Variants in NUP133 observed in about 807,000 individuals in gnomAD.
NUP133 encodes the protein nuclear pore complex protein Nup133.
In NUP133, 66 loss-of-function variants were observed where a neutral mutation model predicts 146.2. The ratio of observed to expected loss-of-function variants is 0.45; its 90% CI spans 0.37 to 0.55. The LOEUF is 0.55. Among genes scored for constraint, NUP133 ranks in the 20% least tolerant of loss-of-function variants. The pLI, the probability that NUP133 is intolerant of heterozygous loss-of-function variation, is 0.00. For synonymous variants in NUP133, 521 were observed against 498.8 expected (o/e 1.04, Z -0.59); for missense variants, 1,277 against 1,374.8 (o/e 0.93, Z 1.12).
intron 7 of NUP133, 24 bp downstream of exon 7, chr1:229,495,868 G>C: frequency 1.3e-6 from 2 of 1,539,606 alleles, no homozygotes; most frequent in Non-Finnish European, 1.8e-6. Context: ...ATGAATTACA[G>C]AGATGAATAT....
At chr1:229,499,599 C>A (rs530379379) in intron 5 of NUP133, 85 bp downstream of exon 5, 3 of 1,413,596 alleles carry the variant, frequency 2.1e-6, no homozygotes, top group Non-Finnish European at 2.9e-6. Context: ...GGAGATCCCA[C>A]CTCTATTTAA....
chr1:229,478,019 C>A (rs1019301275), intron 12 of NUP133, among the ~76,000 whole-genome samples: 20 of 152,106 alleles, frequency 1.3e-4, no homozygotes, highest in African/African-American at 3.9e-4. Flanking sequence ...TCACAACATA[C>A]AAAAAAGATG....
chr1:229,478,698 T>C (rs1343830899), intron 12 of NUP133, among the ~76,000 whole-genome samples: 2 of 152,146 alleles, frequency 1.3e-5, no homozygotes, highest in African/African-American at 2.4e-5. Context: ...GGATTAACTA[T>C]GGCACACATG....
chr1:229,475,676 T>C lies in NUP133; in HGVS notation c.1813A>G (p.Met605Val), dbSNP rs1298717397. 1 of 1,614,198 alleles carries C rather than the reference T, an allele frequency of 6.2e-7. No individual in the cohort carries two copies. The highest frequency in any genetic ancestry group is 2.2e-5 in the East Asian group (1 of 44,888). The stretch of plus-strand genomic sequence containing the variant: ...TCCATAAGAAAAGAGTGAGCTTTCA[T>C]CTTGTCTTCTAGCTGGTGAAGGATA... ...LIILHQLEDK[M>V]KAHSFLMDFI... The change falls in exon 14 of 26, where the codon ATG becomes GTG. Residue 605 changes from methionine to valine, a missense_variant. Physicochemically the swap from Met to Val is conservative, Grantham distance 21. Around this residue, in one of 3 missense-constraint regions of NUP133, gnomAD observed 952 missense variants for 1,047.0 expected, o/e 0.91. Transcript: ENST00000261396.
Position 229,445,401 on chromosome 1 carries a change from G to A in NUP133, c.3246-399C>T, listed in dbSNP as rs1275846001. On this transcript the variant is annotated intron_variant, in intron 24 of 25. Transcript: ENST00000261396. ...CCAAAGTATGACTCACTGCAGCTTC[G>A]AACTCCTCCAGCTCAAGTGTTCCTC... Among the ~76,000 whole-genome samples, 4 of 152,166 alleles carry A rather than the reference G, an allele frequency of 2.6e-5. No individual in the cohort carries two copies. The South Asian group carries it at 8.3e-4, about 32-fold the overall frequency.
At chr1:229,459,535 G>A (rs892715291) in intron 20 of NUP133, among the ~76,000 whole-genome samples, 3 of 151,966 alleles carry the variant, frequency 2.0e-5, no homozygotes, top group Non-Finnish European at 4.4e-5. Flanking sequence ...GTGTGTGTGC[G>A]TATAACATCC....
At chr1:229,496,681 A>AT (rs2102782504) in intron 6 of NUP133, among the ~76,000 whole-genome samples, 1 of 152,220 alleles carries the variant, frequency 6.6e-6, no homozygotes, top group South Asian at 2.1e-4. Context: ...AAAAATAAGG[A>AT]TTTTTTGAAA....
rs1016451348 is a variant in NUP133, at chr1:229,449,029, T to C, written c.3245+97A>G. On this transcript the variant is annotated intron_variant, in intron 24 of 25. Coordinates refer to ENST00000261396, the MANE Select transcript of NUP133 (RefSeq NM_018230.3). ...AGGAGGTGGGAAATCCCAACACGTCTGGTCACAGAAGTCTTCTGTTATTGA... is the reference window on the plus strand; with the variant it reads ...AGGAGGTGGGAAATCCCAACACGTCCGGTCACAGAAGTCTTCTGTTATTGA... 56 of 915,280 alleles carry C rather than the reference T, an allele frequency of 6.1e-5. No homozygotes were observed. The Middle Eastern group carries it at 8.8e-4, about 14-fold the overall frequency. 56.7% of individuals were successfully genotyped at this position (915,280 alleles called of 1,614,324 possible). A position where few individuals can be genotyped will look rare whatever the true frequency, so the allele number is the denominator to read the frequency against.
intron 20 of NUP133, among the ~76,000 whole-genome samples, chr1:229,459,056 C>T (rs1280911141): frequency 6.6e-6 from 1 of 152,086 alleles, no homozygotes; most frequent in African/African-American, 2.4e-5. Flanking sequence ...TATGGATACA[C>T]AGTAATAATA....
intron 14 of NUP133, among the ~76,000 whole-genome samples, chr1:229,475,148 G>C (rs929987861): frequency 6.6e-6 from 1 of 152,008 alleles, no homozygotes; most frequent in African/African-American, 2.4e-5. Flanking sequence ...ACCCCAAGCA[G>C]GTTGAAATTC....
intron 8 of NUP133, 89 bp downstream of exon 8, chr1:229,495,406 T>G: frequency 1.2e-6 from 1 of 867,288 alleles, no homozygotes; most frequent in Non-Finnish European, 1.9e-6. Context: ...AAAGAGCACA[T>G]AGTGAGATTG....
Position 229,486,481 on chromosome 1 carries a change from A to C in NUP133, c.1390T>G (p.Phe464Val), listed in dbSNP as rs368525518. 3 of 1,610,592 alleles carry C rather than the reference A, an allele frequency of 1.9e-6. No individual in the cohort carries two copies. In the African/African-American group the frequency reaches 4.0e-5, roughly 22 times the overall value. ...GACACCAGTCCACTGTTTCTAGAAA[A>C]AATGATAGGAACACCACCACAGGCA... The part of the protein sequence containing the change: ...AGACGGVPII[F>V]SRNSGLVSIT... Residue 464 changes from phenylalanine (F) to valine (V), a missense_variant, in exon 11 of 26, where the codon TTT becomes GTT. Phe to Val is a conservative substitution (Grantham distance 50). This residue lies in a region of NUP133 where 952 missense variants were observed against 1,047.0 expected (regional missense o/e 0.91). Transcript: ENST00000261396.
rs1660956957 is a variant in NUP133, at chr1:229,471,550, T to G, written c.1852-746A>C. On this transcript the variant is annotated intron_variant, in intron 14 of 25. Transcript: ENST00000261396. ...ATGCTGCTGGGAGGGTGGGGGTGTC[T>G]CTAACCCTTTGCATCTTCTACTGAG... is the stretch of plus-strand genomic sequence containing the variant. 3.3e-5 allele frequency among the ~76,000 whole-genome samples: 5 copies of G among 152,196 alleles called. No individual in the cohort carries two copies. In the South Asian group the frequency reaches 1.0e-3, roughly 31 times the overall value.
chr1:229,453,537 G>C (rs190094286), intron 21 of NUP133, among the ~76,000 whole-genome samples: 2 of 152,128 alleles, frequency 1.3e-5, no homozygotes, highest in Non-Finnish European at 2.9e-5. Context: ...TTTACTTTTT[G>C]CTGCAATAGG....
rs752289042 is a variant in NUP133, at chr1:229,499,677, G to A, written c.648+7C>T. 59 of 1,606,552 alleles carry A rather than the reference G, an allele frequency of 3.7e-5. No homozygotes were observed. The highest frequency in any genetic ancestry group is 4.5e-5 in the Non-Finnish European group (53 of 1,176,798). ...CCAATAAATATAAAGGAATATCCGT[G>A]GTATACCTGCACTGCTGTTAGGAAA... On this transcript the variant is annotated splice_region_variant and intron_variant, in intron 5 of 25. Transcript: ENST00000261396.
At chr1:229,478,407 A>C (rs1661129231) in intron 12 of NUP133, among the ~76,000 whole-genome samples, 1 of 152,026 alleles carries the variant, frequency 6.6e-6, no homozygotes, top group Non-Finnish European at 1.5e-5. Flanking sequence ...AGACAGGGAA[A>C]ACTTCCTAAC....
intron 5 of NUP133, among the ~76,000 whole-genome samples, 187 bp from the exon 6 acceptor site, chr1:229,498,493 T>C (rs536924418): frequency 5.3e-5 from 8 of 152,268 alleles, no homozygotes; most frequent in African/African-American, 1.7e-4. Flanking sequence ...TAATCCTACA[T>C]AGAAAAACTC....
intron 24 of NUP133, among the ~76,000 whole-genome samples, chr1:229,447,461 T>C (rs1660325633): frequency 6.6e-6 from 1 of 152,012 alleles, no homozygotes; most frequent in Non-Finnish European, 1.5e-5. Context: ...AGGATCTCCA[T>C]AGATGTCTTT....
chr1:229,463,802 C>T, intron 18 of NUP133, 126 bp from the exon 19 acceptor site: 2 of 1,041,438 alleles, frequency 1.9e-6, no homozygotes, highest in Non-Finnish European at 1.3e-6. Context: ...GGAATGGAAA[C>T]CTTCCCACTT....
Sources: allele counts gnomAD v4.1 joint callset (sites outside exome capture counted in the v4.1 genomes callset), GRCh38; gene constraint gnomAD v4.1.1; regional missense constraint gnomAD v4.1.1; transcripts MANE v1.5; gene names NCBI Gene and HGNC (gene_info 2026-07-23, HGNC 2026-07-21).